The following TTF1 variants were observed in gnomAD, a reference collection of about 807,000 sequenced individuals.
TTF1 encodes transcription termination factor 1.
TTF1 carries 64 observed loss-of-function variants against 80.2 expected under a neutral mutation model. That is an observed-to-expected ratio of 0.80 (90% CI 0.65 to 0.98). The LOEUF (loss-of-function observed/expected upper bound fraction) is 0.98. Ranked by LOEUF, TTF1 falls within the 50% of genes least tolerant of loss-of-function variation. The pLI is 0.00. For synonymous variants in TTF1, 372 were observed against 382.7 expected, an observed-to-expected ratio of 0.97 and a Z score of 0.33; for missense variants, 1,023 against 1,086.2, an observed-to-expected ratio of 0.94 and a Z score of 0.82.
chr9:132,393,084 A>C (rs961028380), intron 5 of TTF1, among the ~76,000 whole-genome samples: 1 of 152,226 alleles, frequency 6.6e-6, no homozygotes, highest in Admixed American at 6.5e-5. Context: ...CTAGAAGGGA[A>C]GTTCCATGAG....
intron 8 of TTF1, 76 bp from the exon 9 acceptor site, chr9:132,386,697 T>C (rs1849474204): frequency 2.4e-6 from 3 of 1,242,966 alleles, no homozygotes; most frequent in South Asian, 1.2e-5. Context: ...CGTGGAGTGC[T>C]GAGAGCTGGA....
chr9:132,403,479 C>T (rs1230967282), intron 1 of TTF1, among the ~76,000 whole-genome samples: 1 of 151,970 alleles, frequency 6.6e-6, no homozygotes, highest in Non-Finnish European at 1.5e-5. Context: ...CCCCCCAGCT[C>T]TCCATGAAAT....
In TTF1 at chr9:132,401,808, C is replaced by G; in HGVS notation, c.1014G>C (p.Lys338Asn). The G allele has an allele frequency of 1.2e-6, 2 of 1,614,082 alleles. No individual in the cohort carries two copies. The highest frequency in any genetic ancestry group is 1.7e-6 in the Non-Finnish European group (2 of 1,180,024). The change falls in exon 2 of 11, where the codon AAG (lysine) becomes AAC (asparagine). Residue 338 changes from lysine (K) to asparagine (N), a missense_variant. Physicochemically the swap from Lys to Asn is moderately conservative, Grantham distance 94. Transcript: ENST00000334270. ...YKNKSKKKKK[K>N]SNHQEFEAVA... is the part of the protein sequence containing the mutation. Reference sequence around the variant, plus strand: ...CTGCCTCAAATTCCTGGTGATTGGACTTTTTCTTTTTTTTCTTAGACTTGT... The same window carrying G: ...CTGCCTCAAATTCCTGGTGATTGGAGTTTTTCTTTTTTTTCTTAGACTTGT...
At chr9:132,377,695 G>A (rs796177446) in intron 10 of TTF1, among the ~76,000 whole-genome samples, 912 of 48,638 alleles carry the variant, frequency 0.019, 17 homozygotes, top group African/African-American at 0.025. Flanking sequence ...TGTGGTGTGA[G>A]TGCATGTGGT....
At chr9:132,381,960 A>G (rs1303060591) in intron 9 of TTF1, among the ~76,000 whole-genome samples, 1 of 152,060 alleles carries the variant, frequency 6.6e-6, no homozygotes, top group Non-Finnish European at 1.5e-5. Flanking sequence ...GCCTCACCCC[A>G]CTGTCTACCT....
chr9:132,377,466 G>C, intron 10 of TTF1, among the ~76,000 whole-genome samples: 1 of 96,268 alleles, frequency 1.0e-5, no homozygotes, highest in African/African-American at 3.5e-5. Context: ...GTGAGTGCAT[G>C]TGGTGTGTGT....
In TTF1 at chr9:132,398,256, A is replaced by G; in HGVS notation, c.1662T>C (p.Phe554=). The G allele has an allele frequency of 6.2e-7, 1 of 1,609,466 alleles. No homozygotes were observed. The highest frequency in any genetic ancestry group is 1.1e-5 in the South Asian group (1 of 90,172). The stretch of plus-strand genomic sequence containing the variant: ...CACTCTCAATGCCTGTCAGGGCTAG[A>G]AAGTCTTCCACATTTTTCTCTAACT... The part of the protein sequence containing the change: ...NKQLEKNVED[F]LALTGIESAD... The change falls in exon 4 of 11, where the codon TTT becomes TTC. Residue 554 remains phenylalanine, a synonymous_variant. Coordinates refer to ENST00000334270, the MANE Select transcript of TTF1 (RefSeq NM_007344.4).
At chr9:132,394,886 C>T (rs1229334046) in intron 5 of TTF1, among the ~76,000 whole-genome samples, 1 of 147,128 alleles carries the variant, frequency 6.8e-6, no homozygotes. Context: ...GAGGGAGACC[C>T]TGTTCCAAAA....
chr9:132,393,514 C>T (rs1038190834), intron 5 of TTF1, among the ~76,000 whole-genome samples: 2 of 152,284 alleles, frequency 1.3e-5, no homozygotes, highest in African/African-American at 4.8e-5. Flanking sequence ...TAATTCGGCC[C>T]ATCCCTTCGT....
Position 132,400,126 on chromosome 9 carries a change from C to T in TTF1, c.1500G>A (p.Glu500=), listed in dbSNP as rs1849733299. The T allele has an allele frequency of 6.2e-7, 1 of 1,614,178 alleles. No individual in the cohort carries two copies. The highest frequency in any genetic ancestry group is 8.5e-7 in the Non-Finnish European group (1 of 1,180,034). The change falls in exon 3 of 11, where the codon GAG becomes GAA. Residue 500 remains glutamate (E), a synonymous_variant. Coordinates refer to ENST00000334270, the MANE Select transcript of TTF1 (RefSeq NM_007344.4). ...DLGSAVKQLQ[E]FIPNIKDRAT... ...CCCTGTCCTTGATGTTAGGAATGAACTCCTGAAGCTGTTTCACGGCAGAAC... is the reference window on the plus strand; with the variant it reads ...CCCTGTCCTTGATGTTAGGAATGAATTCCTGAAGCTGTTTCACGGCAGAAC...
At position 132,384,426 on chromosome 9, in the gene TTF1, GCAAT is replaced by G. The variant is rs1307012096; in HGVS notation, c.2378+2126_2378+2129del. Among the ~76,000 whole-genome samples the G allele has an allele frequency of 4.6e-5, 7 of 152,134 alleles. No homozygotes were observed. Among genetic ancestry groups the G allele is most frequent in the Non-Finnish European group, 1.0e-4 (7 of 68,032 alleles). ...AGAATAATCACAAGATAGGGTCAAC[GCAAT>G]CAAAGCTGGTGCTTTGAAAAGACAA... is the stretch of plus-strand genomic sequence containing the variant. On this transcript the variant is annotated intron_variant, in intron 9 of 10. Transcript: ENST00000334270. This position sits in a 1 kb window ranked among gnomAD's most constrained non-coding sequence, Gnocchi z 4.1.
chr9:132,401,622 T>C lies in TTF1; in HGVS notation c.1200A>G (p.Ala400=), dbSNP rs775474745. 6.2e-7 allele frequency: 1 copy of C among 1,614,102 alleles called. No homozygotes were observed. Among genetic ancestry groups the C allele is most frequent in the Admixed American group, 1.7e-5 (1 of 60,000 alleles). The change falls in exon 2 of 11, where the codon GCA becomes GCG. Residue 400 remains alanine (A), a synonymous_variant. Transcript: ENST00000334270. ...CTGAAAAATCATCACCAGACACTCG[T>C]GCCCTTTTGACAGACGTAAGCTTCC... The part of the protein sequence containing the change: ...KKRKLTSVKR[A]RVSGDDFSVP...
Position 132,379,156 on chromosome 9 carries a change from G to A in TTF1, c.2379-12C>T, listed in dbSNP as rs939173082. 3 of 1,587,034 alleles carry A rather than the reference G, an allele frequency of 1.9e-6. No individual in the cohort carries two copies. The highest frequency in any genetic ancestry group is 2.6e-6 in the Non-Finnish European group (3 of 1,167,436). On this transcript the variant is annotated splice_polypyrimidine_tract_variant and intron_variant, in intron 9 of 10. Transcript: ENST00000334270. ...ATGGAGGAACATCACTTTAGAAAAG[G>A]AAAGAAAAGATAAAAAGCAAGTTAG...
chr9:132,387,229 G>T (rs1475686355), intron 8 of TTF1, among the ~76,000 whole-genome samples: 1 of 152,154 alleles, frequency 6.6e-6, no homozygotes, highest in African/African-American at 2.4e-5. Flanking sequence ...GATTATGGGC[G>T]TCAGGCACCA....
intron 1 of TTF1, among the ~76,000 whole-genome samples, chr9:132,405,089 G>A (rs575664734): frequency 1.6e-4 from 24 of 152,142 alleles, no homozygotes; most frequent in Admixed American, 1.2e-3. Context: ...GAGTTTCACC[G>A]TGTTAGCCAG....
At chr9:132,392,870 A>G (rs1443579336) in intron 5 of TTF1, among the ~76,000 whole-genome samples, 1 of 152,242 alleles carries the variant, frequency 6.6e-6, no homozygotes, top group Non-Finnish European at 1.5e-5. Flanking sequence ...CATTGAACTC[A>G]ATACATTAAA....
At position 132,383,848 on chromosome 9, in the gene TTF1, G is replaced by A. The variant is rs763365977; in HGVS notation, c.2378+2708C>T. 5.9e-5 allele frequency among the ~76,000 whole-genome samples: 9 copies of A among 152,224 alleles called. No individual in the cohort carries two copies. In the South Asian group the frequency reaches 1.0e-3, roughly 18 times the overall value. ...TTGGCGCTTTCTTTGCCCCACCACC[G>A]AGGGGCTTTCTCATGATTTTTTGTA... On this transcript the variant is annotated intron_variant, in intron 9 of 10. Coordinates refer to ENST00000334270, the MANE Select transcript of TTF1 (RefSeq NM_007344.4).
In TTF1 at chr9:132,401,554, T is replaced by C; in HGVS notation, c.1268A>G (p.Glu423Gly). Reference protein sequence around the residue: ...NSESTLFDSVEGDGAMMEEGV... With the variant: ...NSESTLFDSVGGDGAMMEEGV... ...TTCTTCCATCATGGCGCCATCACCT[T>C]CTACTGAATCAAAGAGTGTGCTCTC... Residue 423 changes from glutamate (E) to glycine (G), a missense_variant, in exon 2 of 11, where the codon GAA becomes GGA. Transcript: ENST00000334270. 1 of 1,614,148 alleles carries C rather than the reference T, an allele frequency of 6.2e-7. No individual in the cohort carries two copies. The highest frequency in any genetic ancestry group is 1.1e-5 in the South Asian group (1 of 91,080).
intron 6 of TTF1, 79 bp from the exon 7 acceptor site, chr9:132,390,910 C>A (rs1056743662): frequency 7.3e-7 from 1 of 1,365,688 alleles, no homozygotes; most frequent in South Asian, 1.3e-5. Context: ...AATGATAAAT[C>A]GGGTACTTTT....
Sources: allele counts gnomAD v4.1 joint callset (sites outside exome capture counted in the v4.1 genomes callset), GRCh38; gene constraint gnomAD v4.1.1; non-coding constraint Gnocchi (gnomAD v3.1); transcripts MANE v1.5; gene names NCBI Gene and HGNC (gene_info 2026-07-23, HGNC 2026-07-21).